Variants in CHGB observed in about 807,000 individuals in gnomAD.
CHGB encodes the protein chromogranin B, also known as secretogranin-1.
In CHGB, 46 loss-of-function variants were observed where a neutral mutation model predicts 69.9. The observed-to-expected ratio is 0.66, with a 90% CI of 0.52 to 0.84. The LOEUF (loss-of-function observed/expected upper bound fraction) is 0.84. CHGB is among the 40% of genes least tolerant of loss of function. The probability of loss-of-function intolerance (pLI) is 0.00; values close to 1 mark genes in which losing one functional copy is unlikely to be tolerated. For synonymous variants in CHGB, 312 were observed against 298.2 expected, an observed-to-expected ratio of 1.05 and a Z score of -0.48; for missense variants, 796 against 822.2, an observed-to-expected ratio of 0.97 and a Z score of 0.39.
rs1189481366 is a variant in CHGB, at chr20:5,923,005, G to A, written c.861G>A (p.Arg287=). ...RRTRPRHHHG[R]SRPDRSSQGG... is the part of the protein sequence containing the mutation. ...CGAGGCCCAGACACCACCACGGGAGGAGCAGGCCCGACAGGTCCTCTCAAG... is the reference window on the plus strand; with the variant it reads ...CGAGGCCCAGACACCACCACGGGAGAAGCAGGCCCGACAGGTCCTCTCAAG... Residue 287 remains arginine (R), a synonymous_variant, in exon 4 of 5, where the codon AGG becomes AGA. Coordinates refer to ENST00000378961, the MANE Select transcript of CHGB (RefSeq NM_001819.3). 7 of 1,611,122 alleles carry A rather than the reference G, an allele frequency of 4.3e-6. No homozygotes were observed. Among genetic ancestry groups the A allele is most frequent in the Non-Finnish European group, 5.9e-6 (7 of 1,178,642 alleles).
chr20:5,915,184 A>G (rs1463568459), intron 1 of CHGB, among the ~76,000 whole-genome samples: 1 of 152,194 alleles, frequency 6.6e-6, no homozygotes, highest in Non-Finnish European at 1.5e-5. Context: ...AGGGCTTAGA[A>G]CAAAGTCAAA....
intron 1 of CHGB, among the ~76,000 whole-genome samples, chr20:5,913,437 G>A (rs1229768792): frequency 6.6e-6 from 1 of 152,108 alleles, no homozygotes; most frequent in African/African-American, 2.4e-5. Context: ...CAAAATTACA[G>A]GGCTGGGGGA....
At position 5,911,666 on chromosome 20, in the gene CHGB, A is replaced by G; in HGVS notation, c.33A>G (p.Gly11=). Residue 11 remains glycine (G), a synonymous_variant, in exon 1 of 5, where the codon GGA becomes GGG. Transcript: ENST00000378961. ...CAACGCTGCTTCTCAGCCTCCTGGG[A>G]GCCGTGGGGCTGGCGGGTGAGTGGG... The part of the protein sequence containing the change: MQPTLLLSLL[G]AVGLAAVNSM... The G allele has an allele frequency of 3.3e-6, 5 of 1,493,342 alleles. No homozygotes were observed. Among genetic ancestry groups the G allele is most frequent in the African/African-American group, 1.5e-5 (1 of 68,424 alleles). The allele number at this position is 1,493,342 out of a possible 1,614,324, so 92.5% of individuals were successfully genotyped here.
chr20:5,913,516 A>G (rs1166942682), intron 1 of CHGB, among the ~76,000 whole-genome samples: 4 of 152,120 alleles, frequency 2.6e-5, no homozygotes, highest in South Asian at 4.1e-4. Context: ...ACAACCTTCT[A>G]TGGAAGCTAT....
intron 1 of CHGB, among the ~76,000 whole-genome samples, chr20:5,914,459 T>C (rs1349664174): frequency 6.6e-6 from 1 of 152,192 alleles, no homozygotes; most frequent in Non-Finnish European, 1.5e-5. Context: ...CTGGTAACTA[T>C]TAATACTTCA....
At chr20:5,922,260 A>G in intron 3 of CHGB, 75 bp from the exon 4 acceptor site, 2 of 1,471,146 alleles carry the variant, frequency 1.4e-6, no homozygotes, top group Non-Finnish European at 1.8e-6. Flanking sequence ...CAGGATTTGT[A>G]GTGATTACTG....
In CHGB at chr20:5,922,945, G is replaced by T; in HGVS notation, c.801G>T (p.Glu267Asp). 6.2e-7 allele frequency: 1 copy of T among 1,611,820 alleles called. No homozygotes were observed. Among genetic ancestry groups the T allele is most frequent in the Non-Finnish European group, 8.5e-7 (1 of 1,178,922 alleles). ...PRSQEESEEG[E>D]EDATSEVDKR... is the part of the protein sequence containing the mutation. ...GCCAGGAAGAATCTGAGGAAGGTGA[G>T]GAAGATGCCACCTCTGAGGTGGACA... The change falls in exon 4 of 5, where the codon GAG (glutamate) becomes GAT (aspartate). Residue 267 changes from glutamate to aspartate, a missense_variant. By Grantham distance (45) the Glu-to-Asp change is conservative (BLOSUM62 2). This residue lies in a region of CHGB where 518 missense variants were observed against 506.3 expected (regional missense o/e 1.02). Coordinates refer to ENST00000378961, the MANE Select transcript of CHGB (RefSeq NM_001819.3).
chr20:5,922,489 A>C lies in CHGB; in HGVS notation c.345A>C (p.Pro115=), dbSNP rs1161303652. 6.2e-7 allele frequency: 1 copy of C among 1,613,538 alleles called. No individual in the cohort carries two copies. Among genetic ancestry groups the C allele is most frequent in the Non-Finnish European group, 8.5e-7 (1 of 1,179,616 alleles). ...CAGGGGAGGAGGACATCCAAGGCCC[A>C]ACAAAGGCAGACACAGAGAAATGGG... The part of the protein sequence containing the change: ...GAPGEEDIQG[P]TKADTEKWAE... The change falls in exon 4 of 5, where the codon CCA becomes CCC. Residue 115 remains proline (P), a synonymous_variant. Coordinates refer to ENST00000378961, the MANE Select transcript of CHGB (RefSeq NM_001819.3).
At position 5,922,694 on chromosome 20, in the gene CHGB, G is replaced by A. The variant is rs1464585937; in HGVS notation, c.550G>A (p.Glu184Lys). Residue 184 changes from glutamate to lysine, a missense_variant, in exon 4 of 5, where the codon GAA becomes AAA. By Grantham distance (56) the Glu-to-Lys change is moderately conservative (BLOSUM62 1). Around this residue, in one of 3 missense-constraint regions of CHGB, gnomAD observed 518 missense variants for 506.3 expected, o/e 1.02. Coordinates refer to ENST00000378961, the MANE Select transcript of CHGB (RefSeq NM_001819.3). The part of the protein sequence containing the change: ...QKGERGEDSS[E>K]EKHLEEPGET... ...AGGGGAGCGAGGGGAAGATAGCAGT[G>A]AAGAGAAACACCTTGAAGAGCCAGG... The A allele has an allele frequency of 1.2e-6, 2 of 1,613,978 alleles. No homozygotes were observed. Among genetic ancestry groups the A allele is most frequent in the Non-Finnish European group, 1.7e-6 (2 of 1,179,896 alleles).
At chr20:5,916,712 T>C in intron 2 of CHGB, 114 bp from the exon 3 acceptor site, 1 of 908,250 alleles carries the variant, frequency 1.1e-6, no homozygotes. Flanking sequence ...GCCCTAAGAA[T>C]ACTGCATCAG....
chr20:5,914,542 G>T (rs1357442368), intron 1 of CHGB: 2 of 152,200 alleles, frequency 1.3e-5, no homozygotes, highest in Non-Finnish European at 2.9e-5. Flanking sequence ...GCAAGAAACT[G>T]CATTATCAAG....
In CHGB at chr20:5,922,467, G is replaced by A. The variant is rs2088519720; in HGVS notation, c.323G>A (p.Gly108Glu). The change falls in exon 4 of 5, where the codon GGG becomes GAG. Residue 108 changes from glycine to glutamate, a missense_variant. Gly to Glu is a moderately conservative substitution (Grantham distance 98). Coordinates refer to ENST00000378961, the MANE Select transcript of CHGB (RefSeq NM_001819.3). ...SSSRGEAGAPGEEDIQGPTKA... is the reference protein window; with the variant it reads ...SSSRGEAGAPEEEDIQGPTKA... ...AGCAGGGGAGAGGCAGGAGCCCCAG[G>A]GGAGGAGGACATCCAAGGCCCAACA... 1 of 1,613,732 alleles carries A rather than the reference G, an allele frequency of 6.2e-7. No individual in the cohort carries two copies. The highest frequency in any genetic ancestry group is 1.6e-4 in the Middle Eastern group (1 of 6,062).
intron 2 of CHGB, 83 bp downstream of exon 2, chr20:5,916,455 C>A: frequency 8.5e-7 from 1 of 1,169,732 alleles, no homozygotes; most frequent in Admixed American, 2.0e-5. Context: ...AAACCAAACA[C>A]ACGCATGACA....
chr20:5,916,714 C>T (rs1416806684), intron 2 of CHGB, 112 bp from the exon 3 acceptor site: 1 of 923,232 alleles, frequency 1.1e-6, no homozygotes. Flanking sequence ...CCTAAGAATA[C>T]TGCATCAGCC....
chr20:5,924,474 C>G (rs2088538182), intron 4 of CHGB, among the ~76,000 whole-genome samples: 1 of 152,218 alleles, frequency 6.6e-6, no homozygotes, highest in Admixed American at 6.5e-5. Flanking sequence ...AACTGCTGTT[C>G]TGGTATCTTC....
chr20:5,918,169 A>C (rs971346879), intron 3 of CHGB, among the ~76,000 whole-genome samples: 2 of 128,264 alleles, frequency 1.6e-5, no homozygotes, highest in Non-Finnish European at 3.3e-5. Context: ...AAAAAAAAAA[A>C]AACTCTCATT....
At chr20:5,912,193 G>T (rs1169439058) in intron 1 of CHGB, among the ~76,000 whole-genome samples, 5 of 152,050 alleles carry the variant, frequency 3.3e-5, no homozygotes, top group African/African-American at 9.7e-5. Flanking sequence ...ATATATATAA[G>T]ATATATCCCT....
At chr20:5,924,251 G>A (rs1174395225) in intron 4 of CHGB, 151 bp downstream of exon 4, 16 of 1,175,616 alleles carry the variant, frequency 1.4e-5, no homozygotes, top group Non-Finnish European at 1.7e-5. Flanking sequence ...CCACCTTGGG[G>A]GTCGGTTTCC....
intron 3 of CHGB, 31 bp from the exon 4 acceptor site, chr20:5,922,304 A>T: frequency 6.6e-7 from 1 of 1,504,162 alleles, no homozygotes; most frequent in Non-Finnish European, 8.9e-7. Context: ...AGCAATTCTG[A>T]AATTATACCT....
Sources: allele counts gnomAD v4.1 joint callset (sites outside exome capture counted in the v4.1 genomes callset), GRCh38; gene constraint gnomAD v4.1.1; regional missense constraint gnomAD v4.1.1; transcripts MANE v1.5; gene names NCBI Gene and HGNC (gene_info 2026-07-23, HGNC 2026-07-21).